TUSC3: variants seen among roughly 807,000 people sequenced by gnomAD.
TUSC3 encodes the protein tumor suppressor candidate 3.
In TUSC3, 45 loss-of-function variants were observed where a neutral mutation model predicts 44.8. The ratio of observed to expected loss-of-function variants is 1.00; its 90% confidence interval spans 0.79 to 1.29. TUSC3 has a LOEUF of 1.29. Ranked by LOEUF, TUSC3 falls within the 50% of genes most tolerant of loss-of-function variation. TUSC3 has a pLI of 0.00. For synonymous variants in TUSC3, 212 were observed against 152.9 expected, an observed-to-expected ratio of 1.39 and a Z score of -2.85; for missense variants, 519 against 437.9, an observed-to-expected ratio of 1.19 and a Z score of -1.65.
the TUSC3 span, among the ~76,000 whole-genome samples, chr8:15,805,017 G>A: frequency 6.6e-6 from 1 of 151,982 alleles, no homozygotes; most frequent in African/African-American, 2.4e-5. Context: ...ACAGTGTTTT[G>A]TAGTTGTTCT....
rs10098246 is a variant in TUSC3, at chr8:15,527,292, C to T, written n.189+43809C>T. Reference sequence around the variant, plus strand: ...AGTATAGTGGAACAATCTTGGCTCACTACAACCTCCGCCTCCCAGGTTTAA... The same window carrying T: ...AGTATAGTGGAACAATCTTGGCTCATTACAACCTCCGCCTCCCAGGTTTAA... On this transcript the variant is annotated intron_variant and non_coding_transcript_variant, in intron 2 of 5. Coordinates refer to the TUSC3 transcript ENST00000503191. Among the ~76,000 whole-genome samples, 1,397 of 152,274 alleles carry T rather than the reference C, an allele frequency of 9.2e-3. 22 individuals are homozygous for T. Among genetic ancestry groups the T allele is most frequent in the African/African-American group, 0.032 (1,318 of 41,540 alleles).
At chr8:15,534,470 C>T (rs887422505) in intron 2 of TUSC3, among the ~76,000 whole-genome samples, 6 of 151,756 alleles carry the variant, frequency 4.0e-5, no homozygotes, top group Admixed American at 6.6e-5. Context: ...GGTGAAACCC[C>T]GTCTGTACTA....
chr8:15,470,970 T>C (rs1800484493), intron 1 of TUSC3, among the ~76,000 whole-genome samples: 1 of 152,084 alleles, frequency 6.6e-6, no homozygotes, highest in Non-Finnish European at 1.5e-5. Context: ...AATGAATGAA[T>C]GAATGAATGA....
At chr8:15,474,381 T>C (rs1469108600) in intron 1 of TUSC3, among the ~76,000 whole-genome samples, 1 of 152,198 alleles carries the variant, frequency 6.6e-6, no homozygotes, top group Non-Finnish European at 1.5e-5. Context: ...GAGATTAAAT[T>C]AAGACAGGTG....
chr8:15,510,812 G>A (rs539269159), intron 2 of TUSC3, among the ~76,000 whole-genome samples: 4 of 151,982 alleles, frequency 2.6e-5, no homozygotes, highest in Non-Finnish European at 5.9e-5. Flanking sequence ...CATGACTATG[G>A]ACACAAACAT....
At position 15,519,411 on chromosome 8, in the gene TUSC3, G is replaced by T. The variant is rs78008868; in HGVS notation, n.189+35928G>T. 8.0e-3 allele frequency among the ~76,000 whole-genome samples: 1,224 copies of T among 152,198 alleles called. 9 individuals are homozygous for T. The highest frequency in any genetic ancestry group is 0.028 in the African/African-American group (1,165 of 41,508). On this transcript the variant is annotated intron_variant and non_coding_transcript_variant, in intron 2 of 5. Transcript: ENST00000503191. ...TACTCATAAATTACAGTCACTTGAA[G>T]CTGTAACAGATTAAGTCAGGGGTCC...
At chr8:15,631,666 T>TG (rs1245495293) in intron 2 of TUSC3, among the ~76,000 whole-genome samples, 39 of 121,080 alleles carry the variant, frequency 3.2e-4, no homozygotes, top group East Asian at 1.9e-3. Context: ...AGTTTAAGGC[T>TG]GTTGTGTGTG....
chr8:15,697,640 C>T (rs1299895297), intron 6 of TUSC3, among the ~76,000 whole-genome samples: 1 of 152,068 alleles, frequency 6.6e-6, no homozygotes, highest in Non-Finnish European at 1.5e-5. Flanking sequence ...ATGAATGAGC[C>T]AAAGGAAGTG....
chr8:15,630,482 T>G (rs975927717), intron 2 of TUSC3, among the ~76,000 whole-genome samples: 1 of 152,144 alleles, frequency 6.6e-6, no homozygotes, highest in Non-Finnish European at 1.5e-5. Context: ...TGATTCTCAT[T>G]ATTGTGAAAG....
intron 1 of TUSC3, 52 bp from the exon 2 acceptor site, chr8:15,623,028 A>G (rs1439693838): frequency 4.4e-6 from 7 of 1,575,490 alleles, no homozygotes; most frequent in Non-Finnish European, 6.1e-6. Context: ...ATGAAATTCA[A>G]ACAAAAGGAC....
chr8:15,623,329 T>C, intron 2 of TUSC3, 80 bp downstream of exon 2: 2 of 1,347,916 alleles, frequency 1.5e-6, no homozygotes, highest in South Asian at 1.6e-5. Flanking sequence ...TTAAGATAAA[T>C]ATATGTAAGA....
Position 15,556,573 on chromosome 8 carries a change from C to T in TUSC3, c.138+16005C>T, listed in dbSNP as rs545120093. ...TTCCAGTTCTAGATCCCTGAGGAATCGCCACACTGACTTCCACAATGGTTG... is the reference window on the plus strand; with the variant it reads ...TTCCAGTTCTAGATCCCTGAGGAATTGCCACACTGACTTCCACAATGGTTG... On this transcript the variant is annotated intron_variant, in intron 1 of 10. Coordinates refer to ENST00000503731, the MANE Select transcript of TUSC3 (RefSeq NM_006765.4). Among the ~76,000 whole-genome samples the T allele has an allele frequency of 4.6e-4, 68 of 148,292 alleles. 3 individuals are homozygous for T. The highest frequency in any genetic ancestry group is 1.6e-3 in the African/African-American group (66 of 40,756).
the TUSC3 span, among the ~76,000 whole-genome samples, chr8:15,840,194 A>G: frequency 1.1e-4 from 17 of 152,058 alleles, no homozygotes; most frequent in Non-Finnish European, 1.0e-4. Context: ...ACTTGGACAC[A>G]GGAAGGGGAA....
chr8:15,492,996 T>C (rs936539043), intron 2 of TUSC3, among the ~76,000 whole-genome samples: 10 of 151,858 alleles, frequency 6.6e-5, no homozygotes, highest in African/African-American at 2.4e-5. Context: ...TCTCAACAAA[T>C]AAATACATAG....
At chr8:15,653,478 C>A (rs1006675503) in intron 3 of TUSC3, among the ~76,000 whole-genome samples, 4 of 151,928 alleles carry the variant, frequency 2.6e-5, no homozygotes, top group Admixed American at 2.0e-4. Context: ...TCATTAAATT[C>A]TTTTGTATGC....
chr8:15,639,093 C>A (rs1806238233), intron 2 of TUSC3, among the ~76,000 whole-genome samples: 1 of 150,384 alleles, frequency 6.6e-6, no homozygotes, highest in African/African-American at 2.5e-5. Context: ...ATGTTCAGGG[C>A]TTCAGTGATG....
intron 10 of TUSC3, chr8:15,758,084 A>G (rs1812007212): frequency 2.3e-6 from 3 of 1,306,166 alleles, no homozygotes; most frequent in African/African-American, 1.5e-5. Context: ...GGAGTTAATC[A>G]TTTGACAGAT....
chr8:15,423,914 T>C (rs2129115625), intron 1 of TUSC3, among the ~76,000 whole-genome samples: 1 of 151,512 alleles, frequency 6.6e-6, no homozygotes, highest in African/African-American at 2.4e-5. Context: ...TTGACCAGGA[T>C]GTTTCCAGGA....
chr8:15,536,897 C>A (rs1359672261), upstream of TUSC3, among the ~76,000 whole-genome samples: 1 of 151,598 alleles, frequency 6.6e-6, no homozygotes, highest in African/African-American at 2.4e-5. Flanking sequence ...TTTATTTGAC[C>A]CTGTATATCA....
Sources: allele counts gnomAD v4.1 joint callset (sites outside exome capture counted in the v4.1 genomes callset), GRCh38; gene constraint gnomAD v4.1.1; transcripts MANE v1.5; gene names NCBI Gene and HGNC (gene_info 2026-07-23, HGNC 2026-07-21).